The following MYH11 variants were observed in gnomAD, a reference collection of about 807,000 sequenced individuals.
MYH11 encodes the protein myosin heavy chain 11, also known as myosin-11.
Under a neutral mutation model 246.6 loss-of-function variants are expected in MYH11, and 80 were observed. That is an observed-to-expected ratio of 0.32 (90% CI 0.27 to 0.39). The LOEUF (loss-of-function observed/expected upper bound fraction) is 0.39. MYH11 is among the 10% of genes least tolerant of loss of function. The pLI, the probability that MYH11 is intolerant of heterozygous loss-of-function variation, is 1.00. For synonymous variants in MYH11, 1,071 were observed against 1,015.5 expected (o/e 1.05, Z -1.04); for missense variants, 2,158 against 2,546.8 (o/e 0.85, Z 3.29).
intron 3 of MYH11, among the ~76,000 whole-genome samples, chr16:15,810,435 T>C (rs1267241795): frequency 6.6e-6 from 1 of 152,074 alleles, no homozygotes. Context: ...GATAAAAACG[T>C]GAACTTTTCA....
At chr16:15,835,885 G>A (rs1413472999) in intron 2 of MYH11, among the ~76,000 whole-genome samples, 2 of 151,590 alleles carry the variant, frequency 1.3e-5, no homozygotes. Flanking sequence ...TCCCTGAGTA[G>A]CTGGGATTAT....
chr16:15,763,759 C>CCCCCCCAA, intron 10 of MYH11, 37 bp downstream of exon 10: 2 of 1,151,244 alleles, frequency 1.7e-6, no homozygotes, highest in Non-Finnish European at 2.6e-6. Context: ...CCCCCCAACC[C>CCCCCCCAA]CAAAGTCATT....
At chr16:15,779,912 G>A (rs888443292) in intron 6 of MYH11, among the ~76,000 whole-genome samples, 7 of 152,222 alleles carry the variant, frequency 4.6e-5, no homozygotes, top group Non-Finnish European at 7.3e-5. Flanking sequence ...AAGTGTTGGC[G>A]TGTGTGGACA....
At chr16:15,759,794 G>T in intron 11 of MYH11, 66 bp from the exon 12 acceptor site, 1 of 1,593,360 alleles carries the variant, frequency 6.3e-7, no homozygotes, top group Non-Finnish European at 8.6e-7. Context: ...AAGCCAGGCT[G>T]GTGGTGAAGA....
At chr16:15,782,712 C>T (rs2042384846) in intron 5 of MYH11, 2 of 516,266 alleles carry the variant, frequency 3.9e-6, no homozygotes, top group Non-Finnish European at 3.5e-6. Flanking sequence ...TCACTTTTTT[C>T]AAGACCAGGG....
chr16:15,760,586 A>G lies in MYH11; in HGVS notation c.1202T>C (p.Ile401Thr), dbSNP rs773998062. 13 of 1,614,186 alleles carry G rather than the reference A, an allele frequency of 8.1e-6. No homozygotes were observed. The highest frequency in any genetic ancestry group is 1.1e-5 in the Non-Finnish European group (13 of 1,180,018). Reference sequence around the variant, plus strand: ...CTGTACCACATCTCGCCCAACCTTGATACGAGGAGTGAGGATGGATCTGGT... The same window carrying G: ...CTGTACCACATCTCGCCCAACCTTGGTACGAGGAGTGAGGATGGATCTGGT... ...DFTRSILTPR[I>T]KVGRDVVQKA... The change falls in exon 11 of 41, where the codon ATC (isoleucine) becomes ACC (threonine). Residue 401 changes from isoleucine (I) to threonine (T), a missense_variant. This residue lies in a region of MYH11 where 317 missense variants were observed against 507.7 expected (regional missense o/e 0.62). Coordinates refer to ENST00000300036, the MANE Select transcript of MYH11 (RefSeq NM_002474.3).
At chr16:15,806,331 A>G (rs945695902) in intron 3 of MYH11, among the ~76,000 whole-genome samples, 16 of 149,060 alleles carry the variant, frequency 1.1e-4, no homozygotes, top group African/African-American at 3.7e-4. Flanking sequence ...CAGCCACAAA[A>G]GGTCACATAT....
At chr16:15,776,213 C>G in intron 7 of MYH11, 37 bp from the exon 8 acceptor site, 7 of 1,413,808 alleles carry the variant, frequency 5.0e-6, no homozygotes, top group Non-Finnish European at 7.0e-6. Context: ...GGGGATACTG[C>G]GGGTGTTCCT....
At chr16:15,778,098 C>G (rs971375381) in intron 7 of MYH11, among the ~76,000 whole-genome samples, 3 of 152,178 alleles carry the variant, frequency 2.0e-5, no homozygotes, top group African/African-American at 7.2e-5. Flanking sequence ...TGCAAAGCTC[C>G]TGAGGCTGAT....
intron 8 of MYH11, among the ~76,000 whole-genome samples, chr16:15,773,987 C>A (rs1441831880): frequency 6.6e-6 from 1 of 152,146 alleles, no homozygotes; most frequent in Non-Finnish European, 1.5e-5. Flanking sequence ...CATCAAGGAT[C>A]CTCTTCCAGA....
chr16:15,854,045 A>G (rs1275513194), intron 1 of MYH11, among the ~76,000 whole-genome samples: 1 of 152,168 alleles, frequency 6.6e-6, no homozygotes, highest in African/African-American at 2.4e-5. Flanking sequence ...ACAAACAAAC[A>G]AAACCCTAAA....
In MYH11 at chr16:15,724,138, G is replaced by A. The variant is rs7193920; in HGVS notation, c.4365+23C>T. On this transcript the variant is annotated intron_variant, in intron 31 of 40. Coordinates refer to ENST00000300036, the MANE Select transcript of MYH11 (RefSeq NM_002474.3). ...CCAACCCAGCGTCCATGGCCAGAGT[G>A]GGGGACACCCCACGCCCTCTACCTG... 46,084 of 1,612,032 alleles carry A rather than the reference G, an allele frequency of 0.029. 2,459 individuals are homozygous for A. The highest frequency in any genetic ancestry group is 0.24 in the African/African-American group (17,746 of 74,928).
chr16:15,789,004 G>A (rs1204159390), intron 4 of MYH11, among the ~76,000 whole-genome samples: 1 of 152,058 alleles, frequency 6.6e-6, no homozygotes, highest in African/African-American at 2.4e-5. Context: ...ATTGGCGTTT[G>A]TCATTGGGGG....
intron 7 of MYH11, among the ~76,000 whole-genome samples, chr16:15,777,340 C>T (rs1452435340): frequency 1.3e-5 from 2 of 152,198 alleles, no homozygotes; most frequent in East Asian, 3.9e-4. Context: ...CAGGTGGTCT[C>T]GAACTCCTGA....
chr16:15,808,108 C>G (rs1185508298), intron 3 of MYH11, among the ~76,000 whole-genome samples: 1 of 152,216 alleles, frequency 6.6e-6, no homozygotes, highest in Non-Finnish European at 1.5e-5. Flanking sequence ...GAAGAAAGGT[C>G]TCAGCCTCCA....
chr16:15,784,766 T>C (rs1426067944), intron 5 of MYH11: 5 of 1,609,762 alleles, frequency 3.1e-6, no homozygotes, highest in Non-Finnish European at 3.4e-6. Context: ...GTTATTTCCA[T>C]CACATGGACA....
chr16:15,802,135 A>G (rs2042902081), intron 3 of MYH11, among the ~76,000 whole-genome samples: 1 of 152,172 alleles, frequency 6.6e-6, no homozygotes, highest in African/African-American at 2.4e-5. Context: ...AAGAGTCGGT[A>G]TTGTTCTTTA....
intron 14 of MYH11, among the ~76,000 whole-genome samples, chr16:15,755,970 C>T (rs1040419992): frequency 2.0e-5 from 3 of 152,002 alleles, no homozygotes; most frequent in African/African-American, 7.2e-5. Context: ...TGGTGGTGTA[C>T]ACCTGTAGTC....
chr16:15,745,083 G>C lies in MYH11; in HGVS notation c.2520+46C>G, dbSNP rs2384934. 1,003,922 of 1,444,234 alleles carry C rather than the reference G, an allele frequency of 0.7. 356,782 individuals carry two copies. Among genetic ancestry groups the C allele is most frequent in the East Asian group, 1 (44,074 of 44,108 alleles). The allele number at this position is 1,444,234 out of a possible 1,614,324, so 89.5% of individuals were successfully genotyped here. A position where few individuals can be genotyped will look rare whatever the true frequency, so the allele number is the denominator to read the frequency against. The stretch of plus-strand genomic sequence containing the variant: ...AATGTGAAGGCTCCAGAGTGAAGAA[G>C]CAGGGCTGGGGGCCCCTGGGAAGGG... On this transcript the variant is annotated intron_variant, in intron 20 of 40. Transcript: ENST00000300036.
Sources: gnomAD v4.1 joint callset for allele counts (sites outside exome capture counted in the v4.1 genomes callset) on GRCh38, gnomAD v4.1.1 for gene constraint, gnomAD v4.1.1 regional missense constraint, MANE v1.5 for transcripts, NCBI Gene and HGNC (gene_info 2026-07-23, HGNC 2026-07-21) for gene names.